ACACA: variants seen among roughly 807,000 people sequenced by gnomAD.
The protein encoded by ACACA is acetyl-CoA carboxylase 1.
In ACACA, 103 loss-of-function variants were observed where a neutral mutation model predicts 296.1. The observed-to-expected ratio is 0.35, with a 90% confidence interval of 0.30 to 0.41. ACACA has a LOEUF of 0.41. Among genes scored for constraint, ACACA ranks in the 10% least tolerant of loss-of-function variants. The probability of loss-of-function intolerance (pLI) is 1.00; values close to 1 mark genes in which losing one functional copy is unlikely to be tolerated. For synonymous variants in ACACA, 953 were observed against 1,038.6 expected, an observed-to-expected ratio of 0.92 and a Z score of 1.58; for missense variants, 1,554 against 2,989.7, an observed-to-expected ratio of 0.52 and a Z score of 11.20.
At position 37,325,579 on chromosome 17, in the gene ACACA, C is replaced by CTTTTTTTTTTTTTT. The variant is rs1156553256; in HGVS notation, c.338+4580_338+4593dup. Among the ~76,000 whole-genome samples, 32 of 67,938 alleles carry CTTTTTTTTTTTTTT rather than the reference C, an allele frequency of 4.7e-4. 2 individuals carry two copies. Among genetic ancestry groups the CTTTTTTTTTTTTTT allele is most frequent in the South Asian group, 6.5e-4 (1 of 1,550 alleles). 44.6% of individuals were successfully genotyped at this position (67,938 alleles called of 152,430 possible). On this transcript the variant is annotated intron_variant, in intron 3 of 55. Transcript: ENST00000616317. ...CTTAGGGTCTTATTTTCTTTTCTTT[C>CTTTTTTTTTTTTTT]TTTTTTTTTTTTTTTTTTTTTTTTT...
chr17:37,163,247 T>G (rs1204610433), intron 41 of ACACA: 2 of 117,044 alleles, frequency 1.7e-5, no homozygotes, highest in East Asian at 6.0e-4. Flanking sequence ...CACCTCTCTC[T>G]TGCTCCCTCT....
At chr17:37,328,360 A>T (rs1168640647) in intron 3 of ACACA, among the ~76,000 whole-genome samples, 7 of 152,188 alleles carry the variant, frequency 4.6e-5, no homozygotes, top group Non-Finnish European at 8.8e-5. Context: ...TGAGGCCAGG[A>T]GTTCAAGACC....
intron 31 of ACACA, among the ~76,000 whole-genome samples, chr17:37,207,261 T>A (rs1567814199): frequency 6.6e-6 from 1 of 152,172 alleles, no homozygotes; most frequent in African/African-American, 2.4e-5. Flanking sequence ...GGGTAATGCA[T>A]CAGTATACAT....
chr17:37,348,927 C>T (rs1279218094), intron 1 of ACACA, among the ~76,000 whole-genome samples: 2 of 138,288 alleles, frequency 1.4e-5, no homozygotes, highest in African/African-American at 2.7e-5. Context: ...CCAGCCTGGG[C>T]GACAGAGTGA....
intron 42 of ACACA, among the ~76,000 whole-genome samples, chr17:37,159,079 G>A (rs577352002): frequency 6.6e-6 from 1 of 151,762 alleles, no homozygotes; most frequent in East Asian, 1.9e-4. Context: ...TTGAGAGGTG[G>A]AGGTGGGAGG....
intron 10 of ACACA, among the ~76,000 whole-genome samples, chr17:37,266,407 C>T (rs1598355738): frequency 7.2e-6 from 1 of 138,592 alleles, no homozygotes; most frequent in Admixed American, 7.3e-5. Flanking sequence ...GAGTGAGACT[C>T]CCTCTCAAGA....
intron 43 of ACACA, among the ~76,000 whole-genome samples, chr17:37,153,339 C>T (rs1394746361): frequency 1.3e-5 from 2 of 152,100 alleles, no homozygotes; most frequent in Non-Finnish European, 2.9e-5. Flanking sequence ...TGATGAACTC[C>T]CAGAAGCACT....
intron 1 of ACACA, among the ~76,000 whole-genome samples, chr17:37,383,530 A>T (rs929138556): frequency 3.3e-5 from 5 of 152,188 alleles, no homozygotes; most frequent in Non-Finnish European, 7.4e-5. Context: ...TTATGAAACC[A>T]TAATGATGAA....
intron 45 of ACACA, among the ~76,000 whole-genome samples, chr17:37,139,439 G>C (rs913169408): frequency 4.6e-5 from 7 of 152,224 alleles, no homozygotes; most frequent in Non-Finnish European, 1.5e-5. Context: ...AAGTGAGCCA[G>C]AGACTGTTCA....
chr17:37,268,608 C>T (rs1012359842), intron 10 of ACACA, among the ~76,000 whole-genome samples: 1 of 151,996 alleles, frequency 6.6e-6, no homozygotes, highest in Non-Finnish European at 1.5e-5. Flanking sequence ...CCTCATATGT[C>T]AGGCTCACAT....
At chr17:37,210,574 C>G (rs953675562) in intron 29 of ACACA, 84 bp from the exon 30 acceptor site, 1 of 1,309,364 alleles carries the variant, frequency 7.6e-7, no homozygotes, top group East Asian at 2.3e-5. Flanking sequence ...ATAGACCAGT[C>G]ATGAGGAGCT....
chr17:37,381,790 G>C (rs1414648671), intron 1 of ACACA, among the ~76,000 whole-genome samples: 5 of 151,616 alleles, frequency 3.3e-5, no homozygotes, highest in African/African-American at 1.2e-4. Flanking sequence ...ACCACACCCA[G>C]TTAATTTTTT....
chr17:37,206,985 C>T, intron 31 of ACACA, 106 bp from the exon 32 acceptor site: 1 of 1,062,796 alleles, frequency 9.4e-7, no homozygotes, highest in Non-Finnish European at 1.4e-6. Context: ...AGCCTGGGCT[C>T]AATAGTTAAT....
intron 3 of ACACA, among the ~76,000 whole-genome samples, chr17:37,302,264 G>A (rs964051135): frequency 8.6e-5 from 13 of 150,372 alleles, no homozygotes; most frequent in Admixed American, 4.0e-4. Context: ...GTGCAATGGC[G>A]CGATCTCGGC....
At chr17:37,269,862 G>A (rs2081991254) in intron 10 of ACACA, among the ~76,000 whole-genome samples, 1 of 151,926 alleles carries the variant, frequency 6.6e-6, no homozygotes. Context: ...AGGGAAGCTA[G>A]GAGAGTGAAA....
At chr17:37,185,648 A>T (rs1162952245) in intron 39 of ACACA, among the ~76,000 whole-genome samples, 1 of 151,662 alleles carries the variant, frequency 6.6e-6, no homozygotes, top group East Asian at 1.9e-4. Context: ...AGCTCACTAC[A>T]ACCTCCGCCT....
At chr17:37,092,250 G>A (rs1053858263) in intron 54 of ACACA, among the ~76,000 whole-genome samples, 19 of 146,790 alleles carry the variant, frequency 1.3e-4, no homozygotes, top group African/African-American at 4.7e-4. Context: ...ACCTACTCCA[G>A]CAGCCTGGGC....
At chr17:37,132,740 A>G (rs1174631706) in intron 45 of ACACA, among the ~76,000 whole-genome samples, 1 of 152,126 alleles carries the variant, frequency 6.6e-6, no homozygotes, top group Non-Finnish European at 1.5e-5. Context: ...ACATCTCCAA[A>G]ACTAATAATG....
At chr17:37,149,163 T>A (rs546682629) in intron 45 of ACACA, among the ~76,000 whole-genome samples, 223 of 152,306 alleles carry the variant, frequency 1.5e-3, no homozygotes, top group African/African-American at 5.3e-3. Context: ...AAAACCCTTG[T>A]GAAGTTGGAC....
Sources: allele counts gnomAD v4.1 joint callset (sites outside exome capture counted in the v4.1 genomes callset), GRCh38; gene constraint gnomAD v4.1.1; transcripts MANE v1.5; gene names NCBI Gene and HGNC (gene_info 2026-07-23, HGNC 2026-07-21).